Variants in NHS observed in about 807,000 individuals in gnomAD.
NHS encodes the protein NHS actin remodeling regulator, also known as actin remodeling regulator NHS.
In NHS, 5 loss-of-function variants were observed where a neutral mutation model predicts 72.5. The ratio of observed to expected loss-of-function variants is 0.07; its 90% CI spans 0.04 to 0.14. The LOEUF (loss-of-function observed/expected upper bound fraction) is 0.14. NHS is among the 10% of genes least tolerant of loss of function. The pLI is 1.00. For missense variants in NHS, 1,072 were observed against 1,355.7 expected (o/e 0.79, Z 3.29); for synonymous variants, 464 against 547.7 (o/e 0.85, Z 2.13).
intron 1 of NHS, among the ~76,000 whole-genome samples, chrX:17,489,837 G>T (rs2064982767): frequency 8.9e-6 from 1 of 111,921 alleles, no homozygotes; most frequent in South Asian, 3.7e-4. Context: ...ACGTGAGATG[G>T]TATCTCATTG....
chrX:17,444,253 G>T lies in NHS; in HGVS notation c.565+67931G>T, dbSNP rs757738744. The stretch of plus-strand genomic sequence containing the variant: ...TGTTTCTGCCCCTAATTGAAATTAG[G>T]CTTCCTGCAGCTCCTGACAGGCTGT... On this transcript the variant is annotated intron_variant, in intron 1 of 8. Coordinates refer to ENST00000676302, the MANE Select transcript of NHS (RefSeq NM_001291867.2). Among the ~76,000 whole-genome samples, 41 of 111,751 alleles carry T rather than the reference G, an allele frequency of 3.7e-4. No individual in the cohort carries two copies. The South Asian group carries it at 6.9e-3, about 19-fold the overall frequency.
intron 1 of NHS, among the ~76,000 whole-genome samples, chrX:17,440,685 G>A (rs2064747894): frequency 8.9e-6 from 1 of 111,886 alleles, no homozygotes; most frequent in Non-Finnish European, 1.9e-5. Context: ...AAGTTTGGAA[G>A]GAAATTCCTT....
intron 1 of NHS, among the ~76,000 whole-genome samples, chrX:17,556,667 G>C (rs181804382): frequency 1.8e-3 from 199 of 112,683 alleles, no homozygotes; most frequent in Non-Finnish European, 3.5e-3. Context: ...GCAGCGTTGA[G>C]CTCTACAGCC....
chrX:17,693,891 A>G, intron 3 of NHS, among the ~76,000 whole-genome samples: 1 of 112,643 alleles, frequency 8.9e-6, no homozygotes, highest in East Asian at 2.8e-4. Flanking sequence ...CTGCTTGCTG[A>G]GGCATTTGCT....
chrX:17,449,177 C>T (rs909396002), intron 1 of NHS, among the ~76,000 whole-genome samples: 3 of 113,417 alleles, frequency 2.6e-5, no homozygotes, highest in African/African-American at 9.6e-5. Flanking sequence ...CCTCCCCCAT[C>T]TTGCTCCAGA....
At position 17,573,295 on chromosome X, in the gene NHS, C is replaced by T. The variant is rs1476474336; in HGVS notation, c.566-114447C>T. 3.6e-5 allele frequency among the ~76,000 whole-genome samples: 4 copies of T among 111,411 alleles called. No homozygotes were observed. The Admixed American group carries it at 3.8e-4, about 11-fold the overall frequency. On this transcript the variant is annotated intron_variant, in intron 1 of 8. Transcript: ENST00000676302. ...TGTTTTCTAACTTGGTTCCATTCTC[C>T]CCATCACTTTCAGGTACACCAATCA...
chrX:17,680,326 G>A (rs1601832551), intron 1 of NHS, among the ~76,000 whole-genome samples: 3 of 112,463 alleles, frequency 2.7e-5, no homozygotes, highest in South Asian at 7.3e-4. Context: ...CATTGGCTTT[G>A]GTTTTTGCCT....
At chrX:17,518,349 A>G (rs1255932462) in intron 1 of NHS, among the ~76,000 whole-genome samples, 7 of 111,930 alleles carry the variant, frequency 6.3e-5, no homozygotes, top group Admixed American at 5.7e-4. Context: ...CAGTAATACA[A>G]TCTACTACGG....
intron 1 of NHS, among the ~76,000 whole-genome samples, chrX:17,535,825 T>C (rs2065220422): frequency 9.0e-6 from 1 of 111,390 alleles, no homozygotes. Context: ...CAAGTGATCC[T>C]CCCATCTTGG....
chrX:17,416,792 A>ATGTGTGTGTGTGTGTGTGTGTGTGTG (rs770265000), intron 1 of NHS, among the ~76,000 whole-genome samples: 2 of 95,715 alleles, frequency 2.1e-5, no homozygotes, highest in African/African-American at 7.9e-5. Context: ...ATGTAGGAGT[A>ATGTGTGTGTGTGTGTGTGTGTGTGTG]TGTGTGTGTG....
chrX:17,643,672 A>G (rs1470713510), intron 1 of NHS, among the ~76,000 whole-genome samples: 1 of 112,143 alleles, frequency 8.9e-6, no homozygotes, highest in African/African-American at 3.2e-5. Flanking sequence ...GGTTTCTTTA[A>G]TGACACTAGA....
intron 1 of NHS, among the ~76,000 whole-genome samples, chrX:17,603,859 G>T (rs1221464631): frequency 9.0e-6 from 1 of 110,593 alleles, no homozygotes; most frequent in Non-Finnish European, 1.9e-5. Flanking sequence ...ATTGGCCCAG[G>T]TGCTATTAGC....
chrX:17,701,099 G>T (rs1159834697), intron 3 of NHS, among the ~76,000 whole-genome samples: 1 of 111,943 alleles, frequency 8.9e-6, no homozygotes, highest in Non-Finnish European at 1.9e-5. Flanking sequence ...ATGCCACACA[G>T]ATTTGTAGCC....
intron 1 of NHS, among the ~76,000 whole-genome samples, chrX:17,419,611 A>G (rs909435485): frequency 5.4e-5 from 6 of 110,903 alleles, no homozygotes; most frequent in African/African-American, 2.0e-4. Flanking sequence ...GTGTGCATAT[A>G]TATGATAGAA....
intron 1 of NHS, among the ~76,000 whole-genome samples, chrX:17,441,354 A>G (rs1449033578): frequency 8.9e-6 from 1 of 112,138 alleles, no homozygotes; most frequent in Non-Finnish European, 1.9e-5. Flanking sequence ...TAATCTTTAT[A>G]GAGTACTTTC....
intron 1 of NHS, among the ~76,000 whole-genome samples, chrX:17,513,286 A>T (rs1411915330): frequency 8.9e-6 from 1 of 111,890 alleles, no homozygotes; most frequent in Non-Finnish European, 1.9e-5. Context: ...GTAGGTTACA[A>T]ATGGGCTCTT....
rs756406256 is a variant in NHS, at chrX:17,573,615, G to A, written c.566-114127G>A. ...TCAAGGTTTTTAGCTTCCTTGCAAT[G>A]GGTTAGAACATGCTCCTTCAGCTCG... On this transcript the variant is annotated intron_variant, in intron 1 of 8. Coordinates refer to ENST00000676302, the MANE Select transcript of NHS (RefSeq NM_001291867.2). Among the ~76,000 whole-genome samples, 222 of 110,413 alleles carry A rather than the reference G, an allele frequency of 2.0e-3. 1 individual carries two copies. Among genetic ancestry groups the A allele is most frequent in the Non-Finnish European group, 3.3e-3 (174 of 52,909 alleles).
chrX:17,375,636 C>T lies in NHS; in HGVS notation c.-122C>T, dbSNP rs2064341199. On this transcript the variant is annotated 5_prime_UTR_variant, in exon 1 of 9. Coordinates refer to ENST00000676302, the MANE Select transcript of NHS (RefSeq NM_001291867.2). ...TGAGCAGAGAAGCCCCCTGCGTATC[C>T]GGACTGCCAGATCGCGCTTTTGCCG... is the stretch of plus-strand genomic sequence containing the variant. 7.1e-6 allele frequency: 5 copies of T among 705,364 alleles called. No homozygotes were observed. Among genetic ancestry groups the T allele is most frequent in the Non-Finnish European group, 6.3e-6 (3 of 474,257 alleles). The allele number at this position is 705,364 out of a possible 1,213,427, so 58.1% of individuals were successfully genotyped here.
At chrX:17,706,735 G>A (rs1031559109) in intron 3 of NHS, among the ~76,000 whole-genome samples, 4 of 111,760 alleles carry the variant, frequency 3.6e-5, no homozygotes, top group South Asian at 7.5e-4. Context: ...TTGGCTCCAC[G>A]CACACTGTCA....
Sources: gnomAD v4.1 joint callset for allele counts (sites outside exome capture counted in the v4.1 genomes callset) on GRCh38, gnomAD v4.1.1 for gene constraint, MANE v1.5 for transcripts, NCBI Gene and HGNC (gene_info 2026-07-23, HGNC 2026-07-21) for gene names.